Variants in TENM3 observed in about 807,000 individuals in gnomAD.
The protein encoded by TENM3 is teneurin transmembrane protein 3.
A neutral mutation model predicts 255.1 loss-of-function variants in TENM3; 63 were observed. That is an observed-to-expected ratio of 0.25 (90% confidence interval 0.20 to 0.30). The LOEUF is 0.30. Ranked by LOEUF, TENM3 falls within the 10% of genes least tolerant of loss-of-function variation. The probability of loss-of-function intolerance (pLI) is 1.00; values close to 1 mark genes in which losing one functional copy is unlikely to be tolerated. For missense variants in TENM3, 2,929 were observed against 3,461.1 expected (o/e 0.85, Z 3.86); for synonymous variants, 1,306 against 1,322.3 (o/e 0.99, Z 0.27).
the TENM3 span, among the ~76,000 whole-genome samples, chr4:182,009,425 G>A: frequency 6.6e-6 from 1 of 152,078 alleles, no homozygotes; most frequent in Non-Finnish European, 1.5e-5. Flanking sequence ...CCTCTGGCTG[G>A]AGTTATTGGA....
intron 1 of TENM3, among the ~76,000 whole-genome samples, chr4:182,231,504 G>A (rs947409034): frequency 2.0e-5 from 3 of 152,144 alleles, no homozygotes; most frequent in Non-Finnish European, 4.4e-5. Flanking sequence ...CTGCCTCCGT[G>A]CCCATTTGCT....
the TENM3 span, among the ~76,000 whole-genome samples, chr4:181,484,042 T>C: frequency 1.3e-5 from 2 of 152,302 alleles, no homozygotes; most frequent in East Asian, 1.9e-4. Context: ...ACATTTGATT[T>C]TTTTTAACTT....
the TENM3 span, among the ~76,000 whole-genome samples, chr4:181,492,654 T>C: frequency 6.6e-6 from 1 of 152,128 alleles, no homozygotes. Flanking sequence ...GTAGATTCTA[T>C]CATTGTTCTA....
At chr4:182,234,839 T>C (rs541804238) in intron 1 of TENM3, among the ~76,000 whole-genome samples, 1 of 152,252 alleles carries the variant, frequency 6.6e-6, no homozygotes, top group East Asian at 1.9e-4. Context: ...GTAAGTGTAC[T>C]GATAGAGATA....
At chr4:182,020,134 G>T in the TENM3 span, among the ~76,000 whole-genome samples, 2 of 152,116 alleles carry the variant, frequency 1.3e-5, no homozygotes, top group Admixed American at 6.6e-5. Flanking sequence ...GGAGGCTGAG[G>T]CGGCCAGATC....
intron 1 of TENM3, among the ~76,000 whole-genome samples, chr4:182,287,220 T>G (rs1485958940): frequency 1.3e-5 from 2 of 152,158 alleles, no homozygotes; most frequent in African/African-American, 4.8e-5. Flanking sequence ...AGAGCGAGAC[T>G]CCGTCTCTAA....
chr4:182,059,888 G>T, the TENM3 span, among the ~76,000 whole-genome samples: 6 of 151,886 alleles, frequency 4.0e-5, no homozygotes, highest in Non-Finnish European at 7.4e-5. Context: ...AGCCATGATT[G>T]TGCCACTGCA....
intron 4 of TENM3, among the ~76,000 whole-genome samples, chr4:182,621,810 TTATA>T (rs10551627): frequency 1.0e-5 from 1 of 98,380 alleles, no homozygotes; most frequent in Non-Finnish European, 1.9e-5. Context: ...AATATATATA[TTATA>T]TATATATATA....
the TENM3 span, among the ~76,000 whole-genome samples, chr4:181,566,769 T>G: frequency 2.4e-4 from 36 of 152,330 alleles, no homozygotes; most frequent in Middle Eastern, 0.014. Context: ...TCCTTTTGAT[T>G]AAGTGACTAC....
chr4:182,393,690 T>A (rs149810243), intron 3 of TENM3, among the ~76,000 whole-genome samples: 1 of 152,186 alleles, frequency 6.6e-6, no homozygotes, highest in Non-Finnish European at 1.5e-5. Flanking sequence ...TATTTTTAAA[T>A]ACCATCTAAT....
intron 3 of TENM3, among the ~76,000 whole-genome samples, chr4:182,563,916 G>C (rs551350208): frequency 3.3e-5 from 5 of 152,180 alleles, no homozygotes; most frequent in African/African-American, 9.6e-5. Context: ...CTTCCTAAAG[G>C]TATCTCTTCC....
At chr4:182,701,654 A>T (rs1757887378) in intron 12 of TENM3, among the ~76,000 whole-genome samples, 1 of 152,180 alleles carries the variant, frequency 6.6e-6, no homozygotes, top group African/African-American at 2.4e-5. Context: ...CTATGTGGTT[A>T]TTTCACTTAC....
At chr4:181,935,780 C>T in the TENM3 span, among the ~76,000 whole-genome samples, 1,023 of 152,254 alleles carry the variant, frequency 6.7e-3, 5 homozygotes, top group African/African-American at 0.023. Flanking sequence ...TCCTCTGCAC[C>T]GATGCCTTTC....
the TENM3 span, among the ~76,000 whole-genome samples, chr4:181,963,001 G>A: frequency 6.6e-6 from 1 of 152,178 alleles, no homozygotes. Flanking sequence ...CAGCCCTGGA[G>A]TTGTAATGCA....
intron 3 of TENM3, among the ~76,000 whole-genome samples, chr4:182,464,894 T>C (rs1732444260): frequency 6.6e-6 from 1 of 152,186 alleles, no homozygotes; most frequent in Admixed American, 6.5e-5. Flanking sequence ...AGAAGGTTTT[T>C]AAATATGTCC....
intron 1 of TENM3, among the ~76,000 whole-genome samples, chr4:182,275,583 G>T (rs921313361): frequency 2.0e-5 from 3 of 152,090 alleles, no homozygotes; most frequent in Non-Finnish European, 4.4e-5. Context: ...TGGGGTAATG[G>T]AGAAGTGAAC....
chr4:182,175,314 A>AATATAT (rs35451760), intron 1 of TENM3, among the ~76,000 whole-genome samples: 269 of 117,552 alleles, frequency 2.3e-3, no homozygotes, highest in Middle Eastern at 0.014. Context: ...AAAAAAAAAA[A>AATATAT]ATATATATAT....
the TENM3 span, among the ~76,000 whole-genome samples, chr4:181,844,832 T>A: frequency 6.6e-6 from 1 of 152,286 alleles, no homozygotes; most frequent in African/African-American, 2.4e-5. Flanking sequence ...CAATCTAGCT[T>A]GTCCATAAAA....
At chr4:182,417,893 T>C in intron 3 of TENM3, among the ~76,000 whole-genome samples, 1 of 152,210 alleles carries the variant, frequency 6.6e-6, no homozygotes, top group Non-Finnish European at 1.5e-5. Flanking sequence ...ACCTAAATGT[T>C]TGATATCTGT....
Sources: allele counts gnomAD v4.1 joint callset (sites outside exome capture counted in the v4.1 genomes callset), GRCh38; gene constraint gnomAD v4.1.1; transcripts MANE v1.5; gene names NCBI Gene and HGNC (gene_info 2026-07-23, HGNC 2026-07-21).